Variants in GPC5 observed in about 807,000 individuals in gnomAD.
The protein encoded by GPC5 is glypican 5.
In GPC5, 47 loss-of-function variants were observed where a neutral mutation model predicts 53.9. The observed-to-expected ratio is 0.87, with a 90% CI of 0.69 to 1.11. The LOEUF (loss-of-function observed/expected upper bound fraction) is 1.11, where lower values mean the gene tolerates loss of function less well. Among genes scored for constraint, GPC5 ranks in the 50% most tolerant of loss-of-function variants. The probability of loss-of-function intolerance (pLI) is 0.00; values close to 1 mark genes in which losing one functional copy is unlikely to be tolerated. For synonymous variants in GPC5, 286 were observed against 263.3 expected (o/e 1.09, Z -0.84); for missense variants, 748 against 713.1 (o/e 1.05, Z -0.56).
intron 7 of GPC5, among the ~76,000 whole-genome samples, chr13:92,486,265 C>G (rs903486752): frequency 1.3e-5 from 2 of 152,134 alleles, no homozygotes; most frequent in African/African-American, 4.8e-5. Flanking sequence ...GACAACAAAG[C>G]TTATTCTAGC....
chr13:91,964,286 G>C (rs147136873), intron 6 of GPC5, among the ~76,000 whole-genome samples: 1 of 152,184 alleles, frequency 6.6e-6, no homozygotes, highest in Non-Finnish European at 1.5e-5. Flanking sequence ...AGGGTGGAAA[G>C]AGACCCCAGC....
intron 7 of GPC5, among the ~76,000 whole-genome samples, chr13:92,326,549 A>C (rs2043252647): frequency 6.6e-6 from 1 of 152,144 alleles, no homozygotes; most frequent in South Asian, 2.1e-4. Context: ...ACTTCTATGA[A>C]AAACTGCAAC....
intron 6 of GPC5, among the ~76,000 whole-genome samples, chr13:92,092,808 A>C (rs1180292407): frequency 1.1e-4 from 16 of 152,196 alleles, no homozygotes; most frequent in Non-Finnish European, 2.2e-4. Flanking sequence ...ATATATGTTC[A>C]TGATTTTATT....
intron 2 of GPC5, among the ~76,000 whole-genome samples, chr13:91,468,057 G>C (rs943790318): frequency 6.6e-6 from 1 of 152,116 alleles, no homozygotes; most frequent in Admixed American, 6.6e-5. Context: ...AGCCCTATCT[G>C]AGATGTTTGG....
intron 7 of GPC5, among the ~76,000 whole-genome samples, chr13:92,454,307 T>A (rs578255121): frequency 7.9e-5 from 12 of 152,326 alleles, no homozygotes; most frequent in Admixed American, 3.3e-4. Flanking sequence ...ACTGGTTTTA[T>A]GTTGTTTTTT....
At chr13:92,339,615 C>T (rs1001505491) in intron 7 of GPC5, among the ~76,000 whole-genome samples, 5 of 152,070 alleles carry the variant, frequency 3.3e-5, no homozygotes, top group African/African-American at 1.2e-4. Context: ...AATCTTTGAT[C>T]TCCTACACAA....
intron 5 of GPC5, among the ~76,000 whole-genome samples, chr13:91,844,740 T>C (rs2038828901): frequency 6.6e-6 from 1 of 152,104 alleles, no homozygotes; most frequent in African/African-American, 2.4e-5. Context: ...TGTTTTTTTT[T>C]AGACAGAGTC....
Position 92,292,253 on chromosome 13 carries a change from A to C in GPC5, c.1561+147264A>C, listed in dbSNP as rs146643499. Among the ~76,000 whole-genome samples, 133 of 152,304 alleles carry C rather than the reference A, an allele frequency of 8.7e-4. No homozygotes were observed. In the East Asian group the frequency reaches 0.011, roughly 13 times the overall value. ...AGCTCTACTTTTAGTTCTTTAAGGA[A>C]TCTCCACACTGCTTCCCATAGCAAT... On this transcript the variant is annotated intron_variant, in intron 7 of 7. Coordinates refer to ENST00000377067, the MANE Select transcript of GPC5 (RefSeq NM_004466.6).
At chr13:91,484,373 C>T (rs1056987315) in intron 2 of GPC5, among the ~76,000 whole-genome samples, 1 of 152,094 alleles carries the variant, frequency 6.6e-6, no homozygotes, top group African/African-American at 2.4e-5. Flanking sequence ...ATTAAAAAAG[C>T]ATGTTTTATA....
chr13:91,744,151 A>G (rs2036997505), intron 4 of GPC5, among the ~76,000 whole-genome samples: 1 of 152,298 alleles, frequency 6.6e-6, no homozygotes, highest in East Asian at 1.9e-4. Context: ...AAACAAACAC[A>G]TATATGGATT....
chr13:91,980,258 A>G (rs2040345248), intron 6 of GPC5, among the ~76,000 whole-genome samples: 2 of 152,170 alleles, frequency 1.3e-5, no homozygotes, highest in African/African-American at 2.4e-5. Context: ...TGTCTAGGCC[A>G]CTTAGATTAG....
At chr13:91,683,059 A>G (rs917530250) in intron 2 of GPC5, among the ~76,000 whole-genome samples, 27 of 152,170 alleles carry the variant, frequency 1.8e-4, no homozygotes, top group Non-Finnish European at 1.8e-4. Flanking sequence ...AGGTCTTTGC[A>G]TATGTGCTTG....
intron 2 of GPC5, among the ~76,000 whole-genome samples, chr13:91,473,736 C>T (rs945124107): frequency 1.3e-5 from 2 of 152,116 alleles, no homozygotes; most frequent in African/African-American, 4.8e-5. Context: ...AGTAAGAAAC[C>T]TGTTTATGAC....
intron 1 of GPC5, among the ~76,000 whole-genome samples, chr13:91,400,580 A>G (rs1247745811): frequency 6.6e-6 from 1 of 152,206 alleles, no homozygotes; most frequent in Non-Finnish European, 1.5e-5. Context: ...TGATAAAACT[A>G]AAGTGAGTTT....
At chr13:91,953,565 T>C (rs1454200969) in intron 6 of GPC5, among the ~76,000 whole-genome samples, 1 of 152,222 alleles carries the variant, frequency 6.6e-6, no homozygotes, top group East Asian at 1.9e-4. Context: ...TTGCTAATAA[T>C]AGAATGTAAT....
chr13:92,574,675 C>T (rs1447515025), intron 7 of GPC5, among the ~76,000 whole-genome samples: 1 of 152,132 alleles, frequency 6.6e-6, no homozygotes, highest in Admixed American at 6.6e-5. Flanking sequence ...GGTCTTTCTT[C>T]TGAGTGGGCA....
At chr13:91,795,609 G>T (rs1385153166) in intron 5 of GPC5, among the ~76,000 whole-genome samples, 1 of 152,082 alleles carries the variant, frequency 6.6e-6, no homozygotes, top group East Asian at 1.9e-4. Flanking sequence ...TATCTTAGTT[G>T]CTTCATTTGC....
chr13:91,756,437 G>T lies in GPC5; in HGVS notation c.1280+17G>T. ...AGTAAAAAGGTATTTTATGTGGTCT[G>T]TGAAAACCTACTAGTTACATCATCC... On this transcript the variant is annotated intron_variant, in intron 5 of 7. Transcript: ENST00000377067. The T allele has an allele frequency of 1.9e-6, 3 of 1,552,670 alleles. No homozygotes were observed. The highest frequency in any genetic ancestry group is 2.6e-6 in the Non-Finnish European group (3 of 1,138,768).
intron 7 of GPC5, among the ~76,000 whole-genome samples, chr13:92,263,072 G>T (rs889330237): frequency 1.3e-5 from 2 of 152,038 alleles, no homozygotes; most frequent in Non-Finnish European, 2.9e-5. Flanking sequence ...TTAACTCACT[G>T]TGGAGAAGTT....
Sources: gnomAD v4.1 joint callset for allele counts (sites outside exome capture counted in the v4.1 genomes callset) on GRCh38, gnomAD v4.1.1 for gene constraint, MANE v1.5 for transcripts, NCBI Gene and HGNC (gene_info 2026-07-23, HGNC 2026-07-21) for gene names.